HSD17B12: variants seen among roughly 807,000 people sequenced by gnomAD.
HSD17B12 encodes the protein hydroxysteroid 17-beta dehydrogenase 12, also known as very-long-chain 3-oxoacyl-CoA reductase.
Under a neutral mutation model 39.3 loss-of-function variants are expected in HSD17B12, and 32 were observed. The observed-to-expected ratio is 0.81, with a 90% CI of 0.61 to 1.09. HSD17B12 has a LOEUF of 1.09. Among genes scored for constraint, HSD17B12 ranks in the 50% least tolerant of loss-of-function variants. HSD17B12 has a pLI of 0.00. For missense variants in HSD17B12, 342 were observed against 382.9 expected (o/e 0.89, Z 0.89); for synonymous variants, 150 against 146.7 (o/e 1.02, Z -0.16).
At chr11:43,782,251 A>G (rs1220190806) in intron 3 of HSD17B12, among the ~76,000 whole-genome samples, 1 of 152,230 alleles carries the variant, frequency 6.6e-6, no homozygotes, top group Non-Finnish European at 1.5e-5. Flanking sequence ...ATCAGCCTGT[A>G]TTATGCAGCA....
intron 1 of HSD17B12, among the ~76,000 whole-genome samples, chr11:43,716,937 T>C (rs1950129424): frequency 6.6e-6 from 1 of 151,808 alleles, no homozygotes; most frequent in Non-Finnish European, 1.5e-5. Context: ...ATAAATTTAG[T>C]AAATAGAAGG....
In HSD17B12 at chr11:43,854,808, A is replaced by G. The variant is rs763026835; in HGVS notation, c.778A>G (p.Ile260Val). The G allele has an allele frequency of 3.7e-6, 6 of 1,614,096 alleles. No individual in the cohort carries two copies. The highest frequency in any genetic ancestry group is 3.3e-5 in the Admixed American group (2 of 60,006). Residue 260 changes from isoleucine to valine, a missense_variant, in exon 10 of 11, where the codon ATT (isoleucine) becomes GTT (valine). Physicochemically the swap from Ile to Val is conservative, Grantham distance 29 (BLOSUM62 3). Coordinates refer to ENST00000278353, the MANE Select transcript of HSD17B12 (RefSeq NM_016142.3). ...TCCGGAGACGTTTGTGAAGTCTGCA[A>G]TTAAAACAGTCGGCCTGCAATCCCG... ...PSPETFVKSA[I>V]KTVGLQSRTN...
chr11:43,669,742 T>C, the HSD17B12 span, among the ~76,000 whole-genome samples: 15 of 152,308 alleles, frequency 9.8e-5, 1 homozygote, highest in Middle Eastern at 3.4e-3. Flanking sequence ...TAAATCTCTC[T>C]CTTTTTATAA....
chr11:43,832,062 C>T (rs1236452004), intron 7 of HSD17B12, among the ~76,000 whole-genome samples: 2 of 152,224 alleles, frequency 1.3e-5, no homozygotes, highest in Non-Finnish European at 2.9e-5. Flanking sequence ...TTTATATACA[C>T]TATTTTGTGT....
intron 4 of HSD17B12, among the ~76,000 whole-genome samples, chr11:43,814,479 A>G (rs1292215270): frequency 6.6e-6 from 1 of 152,200 alleles, no homozygotes; most frequent in Admixed American, 6.5e-5. Flanking sequence ...TGATTCCTGC[A>G]AATGTTCTTT....
chr11:43,560,642 T>G, the HSD17B12 span, among the ~76,000 whole-genome samples: 13,052 of 152,230 alleles, frequency 0.086, 679 homozygotes, highest in Non-Finnish European at 0.12. Context: ...CTGCCAACAT[T>G]GTGGGACAGG....
At chr11:43,760,981 A>T (rs916467682) in intron 3 of HSD17B12, among the ~76,000 whole-genome samples, 1 of 152,300 alleles carries the variant, frequency 6.6e-6, no homozygotes, top group African/African-American at 2.4e-5. Flanking sequence ...TAGTACCTGT[A>T]ACTGTAGAGA....
At chr11:43,840,569 C>CCA (rs199893872) in intron 9 of HSD17B12, among the ~76,000 whole-genome samples, 4,102 of 152,220 alleles carry the variant, frequency 0.027, 172 homozygotes, top group African/African-American at 0.079. Flanking sequence ...CCCCTGGCAA[C>CCA]CTATCTATCT....
chr11:43,731,296 C>T (rs1950265158), intron 1 of HSD17B12, among the ~76,000 whole-genome samples: 2 of 152,178 alleles, frequency 1.3e-5, no homozygotes, highest in African/African-American at 4.8e-5. Context: ...TGCGCCCAGC[C>T]TAAAATCTTA....
the HSD17B12 span, among the ~76,000 whole-genome samples, chr11:43,633,551 G>A: frequency 2.0e-5 from 3 of 152,028 alleles, no homozygotes; most frequent in East Asian, 3.9e-4. Flanking sequence ...ATTAAAATAA[G>A]TAAAAATAAA....
At chr11:43,776,449 GTTGT>G (rs947620375) in intron 3 of HSD17B12, among the ~76,000 whole-genome samples, 3 of 152,048 alleles carry the variant, frequency 2.0e-5, no homozygotes, top group African/African-American at 7.2e-5. Flanking sequence ...TTTTGATGGG[GTTGT>G]TTGTTTTTTT....
the HSD17B12 span, among the ~76,000 whole-genome samples, chr11:43,607,240 G>A: frequency 3.9e-3 from 592 of 151,938 alleles, 6 homozygotes; most frequent in East Asian, 0.03. Flanking sequence ...AAAAGAGAAA[G>A]GAGGGAAGAT....
the HSD17B12 span, among the ~76,000 whole-genome samples, chr11:43,560,947 A>G: frequency 2.0e-5 from 3 of 152,126 alleles, no homozygotes; most frequent in African/African-American, 7.2e-5. Flanking sequence ...AACGGCCTCC[A>G]TTTTTGACCC....
At chr11:43,792,210 G>A (rs1461431647) in intron 3 of HSD17B12, among the ~76,000 whole-genome samples, 1 of 152,198 alleles carries the variant, frequency 6.6e-6, no homozygotes, top group Non-Finnish European at 1.5e-5. Flanking sequence ...GGGAAGTGGA[G>A]AGAAATTGGT....
chr11:43,700,623 A>G (rs544731927), intron 1 of HSD17B12, among the ~76,000 whole-genome samples: 24 of 152,278 alleles, frequency 1.6e-4, no homozygotes, highest in Admixed American at 7.8e-4. Context: ...CACTTGATAC[A>G]TGATCTCCAG....
the HSD17B12 span, among the ~76,000 whole-genome samples, chr11:43,592,062 G>C: frequency 2.0e-5 from 3 of 151,992 alleles, no homozygotes; most frequent in Non-Finnish European, 4.4e-5. Flanking sequence ...TTTAAACTGA[G>C]AGCATTTTTA....
rs12224087 is a variant in HSD17B12, at chr11:43,766,390, A to G, written c.283+12269A>G. On this transcript the variant is annotated intron_variant, in intron 3 of 10. Transcript: ENST00000278353. The stretch of plus-strand genomic sequence containing the variant: ...TAGGGACTTCTGTCATGCATTCTTT[A>G]TTGTCCAATGTCTGGAAACCATTGC... Among the ~76,000 whole-genome samples, 971 of 152,132 alleles carry G rather than the reference A, an allele frequency of 6.4e-3. 16 individuals are homozygous for G. The East Asian group carries it at 0.077, about 12-fold the overall frequency.
chr11:43,848,702 C>T (rs1951502661), intron 9 of HSD17B12, among the ~76,000 whole-genome samples: 1 of 152,168 alleles, frequency 6.6e-6, no homozygotes, highest in African/African-American at 2.4e-5. Context: ...TGCTCAAGAT[C>T]ACACAACTAG....
intron 3 of HSD17B12, among the ~76,000 whole-genome samples, chr11:43,776,975 T>C (rs1383170277): frequency 6.6e-6 from 1 of 152,214 alleles, no homozygotes; most frequent in Non-Finnish European, 1.5e-5. Context: ...ATCTCTGTTT[T>C]GGTACCAGTA....
Sources: gnomAD v4.1 joint callset for allele counts (sites outside exome capture counted in the v4.1 genomes callset) on GRCh38, gnomAD v4.1.1 for gene constraint, MANE v1.5 for transcripts, NCBI Gene and HGNC (gene_info 2026-07-23, HGNC 2026-07-21) for gene names.